The following FGF13 variants were observed in gnomAD, a reference collection of about 807,000 sequenced individuals.
FGF13 encodes the protein fibroblast growth factor 13.
In FGF13, 2 loss-of-function variants were observed where a neutral mutation model predicts 19.5. The ratio of observed to expected loss-of-function variants is 0.10; its 90% CI spans 0.04 to 0.32. The LOEUF is 0.32. Among genes scored for constraint, FGF13 ranks in the 10% least tolerant of loss-of-function variants. FGF13 has a pLI of 1.00. For synonymous variants in FGF13, 72 were observed against 76.9 expected (o/e 0.94, Z 0.33); for missense variants, 113 against 192.7 (o/e 0.59, Z 2.45).
At chrX:138,823,674 T>G (rs2124071379) in intron 3 of FGF13, among the ~76,000 whole-genome samples, 1 of 111,838 alleles carries the variant, frequency 8.9e-6, no homozygotes, top group East Asian at 2.8e-4. Flanking sequence ...CTCCTGCTAT[T>G]ACTACTATAA....
chrX:139,057,720 C>T (rs1283396208), intron 1 of FGF13, among the ~76,000 whole-genome samples: 1 of 112,003 alleles, frequency 8.9e-6, no homozygotes, highest in Non-Finnish European at 1.9e-5. Context: ...TGAATGATTA[C>T]CGATACATGT....
chrX:138,998,277 A>G (rs1279474116), intron 1 of FGF13, among the ~76,000 whole-genome samples: 1 of 111,572 alleles, frequency 9.0e-6, no homozygotes, highest in Non-Finnish European at 1.9e-5. Flanking sequence ...TGCATCAACT[A>G]ACAGGAAAAA....
rs185114191 is a variant in FGF13, at chrX:139,007,081, A to G, written c.-112-142431T>C. On this transcript the variant is annotated intron_variant, in intron 1 of 2. Coordinates refer to the FGF13 transcript ENST00000421460. ...AATGGATTTTAAAAAACAGAAAAAA[A>G]GATCTTTTGCTTACAAGAAACATAT... Among the ~76,000 whole-genome samples, 54 of 111,898 alleles carry G rather than the reference A, an allele frequency of 4.8e-4. No individual in the cohort carries two copies. In the East Asian group the frequency reaches 0.012, roughly 26 times the overall value.
At chrX:138,836,775 T>A (rs755973068) in intron 3 of FGF13, among the ~76,000 whole-genome samples, 127 of 112,311 alleles carry the variant, frequency 1.1e-3, no homozygotes, top group Admixed American at 2.5e-3. Context: ...AAGAGGGCAC[T>A]CTAGCTTTTT....
intron 3 of FGF13, among the ~76,000 whole-genome samples, chrX:138,825,687 G>A (rs2091029304): frequency 8.9e-6 from 1 of 111,756 alleles, no homozygotes; most frequent in South Asian, 3.8e-4. Context: ...AAAATGAGCA[G>A]TAAATGGAAT....
intron 1 of FGF13, among the ~76,000 whole-genome samples, chrX:138,883,840 C>A (rs139042138): frequency 3.3e-3 from 368 of 111,550 alleles, no homozygotes; most frequent in African/African-American, 0.011. Flanking sequence ...AAAGATTTGG[C>A]TTGAATAAAT....
At chrX:138,982,028 T>C (rs2091965911) in intron 1 of FGF13, among the ~76,000 whole-genome samples, 1 of 111,534 alleles carries the variant, frequency 9.0e-6, no homozygotes, top group Admixed American at 9.6e-5. Flanking sequence ...AGCATGAGGA[T>C]AGAAGTATAA....
At chrX:139,038,053 C>G (rs1469792753) in intron 1 of FGF13, among the ~76,000 whole-genome samples, 1 of 110,945 alleles carries the variant, frequency 9.0e-6, no homozygotes, top group Non-Finnish European at 1.9e-5. Context: ...GAAAGAAGGG[C>G]AGGGTATGTG....
At chrX:138,835,030 T>C (rs1238561369) in intron 3 of FGF13, among the ~76,000 whole-genome samples, 1 of 112,155 alleles carries the variant, frequency 8.9e-6, no homozygotes, top group Non-Finnish European at 1.9e-5. Context: ...GGCTGTTTGT[T>C]ATAATTGCAG....
At chrX:138,856,122 A>C (rs950071132), downstream of FGF13, among the ~76,000 whole-genome samples, 8 of 111,616 alleles carry the variant, frequency 7.2e-5, no homozygotes, top group African/African-American at 2.3e-4. Flanking sequence ...TCTCCACTAA[A>C]CAACCAAATG....
rs1419262021 is a variant in FGF13, at chrX:138,621,164, T to G, written c.*11686A>C. 9.0e-6 allele frequency: 1 copy of G among 111,433 alleles called. No individual in the cohort carries two copies. Among genetic ancestry groups the G allele is most frequent in the Admixed American group, 9.6e-5 (1 of 10,451 alleles). 9.2% of individuals were successfully genotyped at this position (111,433 alleles called of 1,213,427 possible). A position where few individuals can be genotyped will look rare whatever the true frequency, so the allele number is the denominator to read the frequency against. ...TACAAAACATTCCCTCCAAAAGCAATAGAATGTACATTCGTCCCAAGTAAT... is the reference window on the plus strand; with the variant it reads ...TACAAAACATTCCCTCCAAAAGCAAGAGAATGTACATTCGTCCCAAGTAAT... On this transcript the variant is annotated 3_prime_UTR_variant, in exon 5 of 5. Transcript: ENST00000315930.
chrX:139,091,621 G>A (rs1020969702), intron 1 of FGF13, among the ~76,000 whole-genome samples: 4 of 111,858 alleles, frequency 3.6e-5, no homozygotes, highest in Non-Finnish European at 7.5e-5. Flanking sequence ...GACAATGTGA[G>A]TTCTGAGGAA....
At chrX:138,642,797 C>T (rs1017534340) in intron 3 of FGF13, among the ~76,000 whole-genome samples, 6 of 111,818 alleles carry the variant, frequency 5.4e-5, no homozygotes, top group Admixed American at 4.8e-4. Context: ...GCTGAAATGG[C>T]TGCAGTAATC....
intron 1 of FGF13, among the ~76,000 whole-genome samples, chrX:138,874,089 T>C (rs980959258): frequency 6.5e-4 from 68 of 105,063 alleles, no homozygotes; most frequent in South Asian, 1.8e-3. Context: ...ACCAACATGG[T>C]ACATGTATAC....
At position 138,629,107 on chromosome X, in the gene FGF13, T is replaced by C. The variant is rs2089091495; in HGVS notation, c.*3743A>G. 1 of 111,431 alleles carries C rather than the reference T, an allele frequency of 9.0e-6. No individual in the cohort carries two copies. The highest frequency in any genetic ancestry group is 1.9e-5 in the Non-Finnish European group (1 of 53,107). 9.2% of individuals were successfully genotyped at this position (111,431 alleles called of 1,213,427 possible). A position where few individuals can be genotyped will look rare whatever the true frequency, so the allele number is the denominator to read the frequency against. On this transcript the variant is annotated 3_prime_UTR_variant, in exon 5 of 5. Coordinates refer to ENST00000315930, the MANE Select transcript of FGF13 (RefSeq NM_004114.5). ...GTGGCATAGAACAGTAGGTATCAGA[T>C]TCAGGAGATTCCCAGGCCAAGCTTA...
chrX:139,126,388 CCACCTCCACTTTG>C (rs2083716295), intron 1 of FGF13, among the ~76,000 whole-genome samples: 1 of 111,341 alleles, frequency 9.0e-6, no homozygotes, highest in Admixed American at 9.6e-5. Flanking sequence ...CCCTTCCTCT[CCACCTCCACTTTG>C]CACTCAGTTC....
chrX:138,801,606 A>G (rs2090829902), intron 3 of FGF13, among the ~76,000 whole-genome samples: 2 of 112,049 alleles, frequency 1.8e-5, no homozygotes, highest in African/African-American at 6.5e-5. Flanking sequence ...GCAGAGCTCG[A>G]GCACTGTACT....
intron 1 of FGF13, among the ~76,000 whole-genome samples, chrX:139,078,170 G>T (rs2083344743): frequency 1.8e-5 from 2 of 110,209 alleles, no homozygotes; most frequent in Admixed American, 9.9e-5. Flanking sequence ...GAAGAAGGAA[G>T]CAAACTGCTC....
At chrX:138,844,960 T>A (rs2091171721) in intron 3 of FGF13, among the ~76,000 whole-genome samples, 1 of 111,072 alleles carries the variant, frequency 9.0e-6, no homozygotes, top group Non-Finnish European at 1.9e-5. Flanking sequence ...AATAGATAAA[T>A]AAGACTTGAA....
Sources: gnomAD v4.1 joint callset for allele counts (sites outside exome capture counted in the v4.1 genomes callset) on GRCh38, gnomAD v4.1.1 for gene constraint, MANE v1.5 for transcripts, NCBI Gene and HGNC (gene_info 2026-07-23, HGNC 2026-07-21) for gene names.